PTPRT: variants seen among roughly 807,000 people sequenced by gnomAD.
The protein encoded by PTPRT is protein tyrosine phosphatase receptor type T.
Under a neutral mutation model 176.8 loss-of-function variants are expected in PTPRT, and 56 were observed. The ratio of observed to expected loss-of-function variants is 0.32; its 90% CI spans 0.26 to 0.40. PTPRT has a LOEUF of 0.40. Ranked by LOEUF, PTPRT falls within the 10% of genes least tolerant of loss-of-function variation. PTPRT has a pLI of 1.00. For synonymous variants in PTPRT, 783 were observed against 739.0 expected, an observed-to-expected ratio of 1.06 and a Z score of -0.96; for missense variants, 1,540 against 1,908.2, an observed-to-expected ratio of 0.81 and a Z score of 3.60.
intron 11 of PTPRT, among the ~76,000 whole-genome samples, chr20:42,318,718 C>A (rs868390428): frequency 6.6e-6 from 1 of 152,192 alleles, no homozygotes; most frequent in African/African-American, 2.4e-5. Context: ...TATCCCTAAT[C>A]ACCGCTTGAA....
intron 8 of PTPRT, among the ~76,000 whole-genome samples, chr20:42,465,195 T>C (rs1568903879): frequency 6.6e-6 from 1 of 152,132 alleles, no homozygotes; most frequent in Non-Finnish European, 1.5e-5. Context: ...TAAATGAATC[T>C]ACACTGCTAG....
intron 18 of PTPRT, among the ~76,000 whole-genome samples, chr20:42,136,293 T>C (rs117663512): frequency 1.2e-3 from 173 of 145,164 alleles, no homozygotes; most frequent in Non-Finnish European, 2.2e-3. Flanking sequence ...CAATGAATTG[T>C]GGAGCTGAAA....
intron 7 of PTPRT, among the ~76,000 whole-genome samples, chr20:42,587,992 G>A (rs1481668568): frequency 2.0e-5 from 3 of 152,122 alleles, no homozygotes; most frequent in Non-Finnish European, 4.4e-5. Context: ...TTATATGATT[G>A]TAAAGTACCC....
intron 1 of PTPRT, among the ~76,000 whole-genome samples, chr20:42,945,256 G>A (rs1980809507): frequency 6.6e-6 from 1 of 151,902 alleles, no homozygotes; most frequent in Non-Finnish European, 1.5e-5. Context: ...CATTTTGCAG[G>A]TGAGGAAACT....
chr20:42,219,362 C>T (rs1377901708), intron 15 of PTPRT, among the ~76,000 whole-genome samples: 1 of 152,124 alleles, frequency 6.6e-6, no homozygotes, highest in Non-Finnish European at 1.5e-5. Flanking sequence ...CTGCTTATAA[C>T]GCCATGTGGG....
At chr20:42,998,416 A>G (rs2146123074) in intron 1 of PTPRT, among the ~76,000 whole-genome samples, 1 of 152,294 alleles carries the variant, frequency 6.6e-6, no homozygotes, top group Admixed American at 6.5e-5. Context: ...ACAAAACGAC[A>G]TAATAAATAA....
At chr20:42,569,072 AAAAAAAAAAATATATATATATATAT>A (rs2073100695) in intron 7 of PTPRT, among the ~76,000 whole-genome samples, 1 of 103,812 alleles carries the variant, frequency 9.6e-6, no homozygotes, top group African/African-American at 3.9e-5. Context: ...AAAAAAAAAA[AAAAAAAAAAATATATATATATATAT>A]ATATATATAT....
intron 30 of PTPRT, 48 bp from the exon 31 acceptor site, chr20:42,080,980 G>C: frequency 1.4e-6 from 2 of 1,464,082 alleles, no homozygotes; most frequent in Non-Finnish European, 1.9e-6. Context: ...GAGGAGACGA[G>C]AGAGATGAAA....
At chr20:42,197,207 G>C (rs968639292) in intron 16 of PTPRT, among the ~76,000 whole-genome samples, 1 of 151,630 alleles carries the variant, frequency 6.6e-6, no homozygotes, top group Non-Finnish European at 1.5e-5. Flanking sequence ...GTGAAACCCC[G>C]TCTCGACTAA....
intron 1 of PTPRT, among the ~76,000 whole-genome samples, chr20:42,915,962 G>T (rs1978715550): frequency 2.0e-5 from 3 of 151,598 alleles, no homozygotes; most frequent in Non-Finnish European, 2.9e-5. Flanking sequence ...TGTTGTTGTT[G>T]TTTTTATTAT....
intron 16 of PTPRT, among the ~76,000 whole-genome samples, chr20:42,179,952 G>A (rs977997798): frequency 2.6e-5 from 4 of 152,218 alleles, no homozygotes; most frequent in African/African-American, 7.2e-5. Flanking sequence ...AGATCATCTT[G>A]AGCTAAAGAA....
At chr20:42,142,212 T>A (rs1379607357) in intron 17 of PTPRT, among the ~76,000 whole-genome samples, 1 of 152,198 alleles carries the variant, frequency 6.6e-6, no homozygotes, top group Admixed American at 6.5e-5. Flanking sequence ...ATTGATGTCT[T>A]CTGTGTCATG....
chr20:42,916,598 C>T (rs977285177), intron 1 of PTPRT, among the ~76,000 whole-genome samples: 145 of 152,288 alleles, frequency 9.5e-4, no homozygotes, highest in Non-Finnish European at 1.7e-3. Context: ...AAAAGTGTTC[C>T]TATTTCTCCA....
chr20:42,102,370 C>T, intron 25 of PTPRT, 73 bp from the exon 26 acceptor site: 7 of 1,500,962 alleles, frequency 4.7e-6, no homozygotes, highest in Non-Finnish European at 6.4e-6. Context: ...CAGTAATGTT[C>T]CAACTCAGCC....
chr20:42,193,530 T>C (rs1474355499), intron 16 of PTPRT, among the ~76,000 whole-genome samples: 1 of 152,268 alleles, frequency 6.6e-6, no homozygotes, highest in African/African-American at 2.4e-5. Context: ...CTTCTAATTC[T>C]ATCCCTACTC....
rs566349750 is a variant in PTPRT, at chr20:42,832,711, A to G, written c.215-41245T>C. ...CCAGAATACAGAAAGAAAAAAAAAA[A>G]AAGAAGAAGAAGAAGGAAAAGCAAA... On this transcript the variant is annotated intron_variant, in intron 2 of 30. Transcript: ENST00000373187. Among the ~76,000 whole-genome samples the G allele has an allele frequency of 9.1e-4, 138 of 151,172 alleles. No homozygotes were observed. In the East Asian group the frequency reaches 0.014, roughly 15 times the overall value.
intron 24 of PTPRT, 77 bp from the exon 25 acceptor site, chr20:42,104,795 T>A (rs766010322): frequency 9.1e-6 from 13 of 1,430,300 alleles, no homozygotes; most frequent in Non-Finnish European, 1.3e-5. Flanking sequence ...CATTTAGTGT[T>A]GTGGCTATGA....
intron 9 of PTPRT, among the ~76,000 whole-genome samples, chr20:42,370,693 G>A (rs6065467): frequency 6.6e-6 from 1 of 152,122 alleles, no homozygotes; most frequent in East Asian, 1.9e-4. Context: ...ACAGTGCCTG[G>A]ACATAATAAG....
chr20:42,055,224 A>C, the PTPRT span, among the ~76,000 whole-genome samples: 2 of 152,204 alleles, frequency 1.3e-5, no homozygotes, highest in Non-Finnish European at 2.9e-5. Flanking sequence ...TTATGAAGCA[A>C]ATAAAAAGGC....
Sources: allele counts gnomAD v4.1 joint callset (sites outside exome capture counted in the v4.1 genomes callset), GRCh38; gene constraint gnomAD v4.1.1; transcripts MANE v1.5; gene names NCBI Gene and HGNC (gene_info 2026-07-23, HGNC 2026-07-21).